The following STK32B variants were observed in gnomAD, a reference collection of about 807,000 sequenced individuals.
The protein encoded by STK32B is serine/threonine-protein kinase 32B.
In STK32B, 43 loss-of-function variants were observed where a neutral mutation model predicts 52.6. That is an observed-to-expected ratio of 0.82 (90% confidence interval 0.64 to 1.05). The LOEUF (loss-of-function observed/expected upper bound fraction) is 1.05, where lower values mean the gene tolerates loss of function less well. Ranked by LOEUF, STK32B falls within the 50% of genes least tolerant of loss-of-function variation. STK32B has a pLI of 0.00. For missense variants in STK32B, 621 were observed against 534.6 expected (o/e 1.16, Z -1.59); for synonymous variants, 238 against 204.3 (o/e 1.17, Z -1.41).
chr4:5,481,126 T>C (rs999539314), intron 11 of STK32B, among the ~76,000 whole-genome samples: 1 of 152,202 alleles, frequency 6.6e-6, no homozygotes, highest in Non-Finnish European at 1.5e-5. Flanking sequence ...TCAAATGTTA[T>C]TTCTAGTTCT....
intron 3 of STK32B, among the ~76,000 whole-genome samples, chr4:5,220,378 A>T (rs932361587): frequency 5.9e-5 from 9 of 152,210 alleles, no homozygotes; most frequent in Admixed American, 3.3e-4. Flanking sequence ...GGACAGTGTG[A>T]TGAGTGCTAA....
At chr4:5,451,987 C>G (rs1716045133) in intron 7 of STK32B, among the ~76,000 whole-genome samples, 3 of 152,202 alleles carry the variant, frequency 2.0e-5, no homozygotes, top group Non-Finnish European at 4.4e-5. Flanking sequence ...GCATCCTTCC[C>G]ACTTTAGCAC....
At chr4:5,246,089 C>A (rs931487876) in intron 3 of STK32B, among the ~76,000 whole-genome samples, 5 of 152,230 alleles carry the variant, frequency 3.3e-5, no homozygotes, top group Admixed American at 1.3e-4. Flanking sequence ...TTGTGGCATT[C>A]TCTGTATTTC....
intron 3 of STK32B, among the ~76,000 whole-genome samples, chr4:5,290,247 G>C (rs894500586): frequency 6.6e-6 from 1 of 152,064 alleles, no homozygotes; most frequent in Non-Finnish European, 1.5e-5. Context: ...ATCGACGTTA[G>C]TATACTGTAA....
intron 3 of STK32B, among the ~76,000 whole-genome samples, chr4:5,312,015 C>T (rs2108911863): frequency 6.6e-6 from 1 of 151,158 alleles, no homozygotes; most frequent in Middle Eastern, 3.4e-3. Context: ...AAAATGCCTC[C>T]ATCCTTCTTC....
chr4:5,231,650 GAAAAGA>G lies in STK32B; in HGVS notation c.260+63209_260+63214del, dbSNP rs566972188. 3.0e-4 allele frequency among the ~76,000 whole-genome samples: 46 copies of G among 152,094 alleles called. 1 individual carries two copies. The South Asian group carries it at 8.7e-3, about 29-fold the overall frequency. ...CAAAACAAAACAAACAAAAAACAAA[GAAAAGA>G]AAAAGAAAGAGTAGTTCTCAATGGG... On this transcript the variant is annotated intron_variant, in intron 3 of 11. Coordinates refer to ENST00000282908, the MANE Select transcript of STK32B (RefSeq NM_018401.3).
At chr4:5,351,083 A>G (rs1275623933) in intron 4 of STK32B, among the ~76,000 whole-genome samples, 1 of 152,022 alleles carries the variant, frequency 6.6e-6, no homozygotes, top group Non-Finnish European at 1.5e-5. Flanking sequence ...AACAACAACA[A>G]CAACAACAAC....
intron 6 of STK32B, among the ~76,000 whole-genome samples, chr4:5,422,708 T>A (rs543950210): frequency 2.9e-4 from 44 of 152,222 alleles, no homozygotes; most frequent in African/African-American, 8.9e-4. Flanking sequence ...GGTACTGCTC[T>A]CCCAGTCCTC....
intron 3 of STK32B, among the ~76,000 whole-genome samples, chr4:5,274,829 C>A (rs1401309397): frequency 6.6e-6 from 1 of 152,154 alleles, no homozygotes; most frequent in Non-Finnish European, 1.5e-5. Flanking sequence ...GTTGCAGACC[C>A]GCCGCTGACT....
chr4:5,373,996 C>G (rs1735418795), intron 4 of STK32B, among the ~76,000 whole-genome samples: 1 of 152,142 alleles, frequency 6.6e-6, no homozygotes, highest in Non-Finnish European at 1.5e-5. Flanking sequence ...AGGATGAGGT[C>G]ATACTGGATT....
At chr4:5,452,006 C>G (rs890572754) in intron 7 of STK32B, among the ~76,000 whole-genome samples, 2 of 152,310 alleles carry the variant, frequency 1.3e-5, no homozygotes, top group African/African-American at 4.8e-5. Flanking sequence ...ACCCTTCAAC[C>G]ACTAGAGACA....
Position 5,446,680 on chromosome 4 carries a change from A to G in STK32B, c.570A>G (p.Glu190=), listed in dbSNP as rs746317072. 2 of 1,613,982 alleles carry G rather than the reference A, an allele frequency of 1.2e-6. No individual in the cohort carries two copies. Among genetic ancestry groups the G allele is most frequent in the Admixed American group, 3.3e-5 (2 of 60,004 alleles). ...TTGTCCTCTCGTTGGCAGCTCCAGA[A>G]GTATTCCAGGTGTACATGGACAGAG... ...MAGTKPYMAP[E]VFQVYMDRGP... The change falls in exon 7 of 12, where the codon GAA becomes GAG. Residue 190 remains glutamate (E), a synonymous_variant. Transcript: ENST00000282908.
intron 3 of STK32B, among the ~76,000 whole-genome samples, chr4:5,204,422 T>C (rs1003166122): frequency 8.5e-5 from 13 of 152,074 alleles, no homozygotes; most frequent in African/African-American, 3.1e-4. Context: ...GTTTTTGTTT[T>C]TTAGGTTTTT....
chr4:5,277,856 C>A (rs915745320), intron 3 of STK32B, among the ~76,000 whole-genome samples: 1 of 152,118 alleles, frequency 6.6e-6, no homozygotes, highest in Non-Finnish European at 1.5e-5. Flanking sequence ...TGCCTTTGAC[C>A]ATCCATAAGA....
chr4:5,268,541 G>A (rs1030728127), intron 3 of STK32B, among the ~76,000 whole-genome samples: 1 of 6,788 alleles, frequency 1.5e-4, no homozygotes, highest in East Asian at 5.4e-3. Context: ...TTGGTGTGGT[G>A]TGTGTGTGTG....
chr4:5,487,346 G>C (rs772434337), intron 11 of STK32B, among the ~76,000 whole-genome samples: 1 of 152,216 alleles, frequency 6.6e-6, no homozygotes, highest in African/African-American at 2.4e-5. Context: ...ATCCTGTTAG[G>C]AGACTTGGCA....
chr4:5,460,380 A>G lies in STK32B; in HGVS notation c.909+152A>G. On this transcript the variant is annotated intron_variant, in intron 9 of 11. Coordinates refer to ENST00000282908, the MANE Select transcript of STK32B (RefSeq NM_018401.3). This position sits in a 1 kb window ranked among gnomAD's most constrained non-coding sequence, Gnocchi z 4.8. ...TATGTCTTGCTGGAATTCAGGGTGA[A>G]CTTGGGCCTGATTTCCAGGGTCCCA... is the stretch of plus-strand genomic sequence containing the variant. The G allele has an allele frequency of 7.7e-7, 1 of 1,294,526 alleles. No individual in the cohort carries two copies. Among genetic ancestry groups the G allele is most frequent in the Non-Finnish European group, 1.0e-6 (1 of 953,894 alleles). 80.2% of individuals were successfully genotyped at this position (1,294,526 alleles called of 1,614,324 possible).
intron 6 of STK32B, chr4:5,432,514 A>G (rs1270597641): frequency 1.3e-5 from 2 of 152,250 alleles, no homozygotes; most frequent in South Asian, 2.1e-4. Context: ...TGAACATTCC[A>G]TGGTGAAATG....
intron 3 of STK32B, among the ~76,000 whole-genome samples, chr4:5,230,208 T>TTTTTG (rs58022709): frequency 0.027 from 2,790 of 103,206 alleles, 145 homozygotes; most frequent in Admixed American, 0.067. Flanking sequence ...TTTTTTTTTT[T>TTTTTG]TAGTGGAGTC....
Sources: allele counts gnomAD v4.1 joint callset (sites outside exome capture counted in the v4.1 genomes callset), GRCh38; gene constraint gnomAD v4.1.1; non-coding constraint Gnocchi (gnomAD v3.1); transcripts MANE v1.5; gene names NCBI Gene and HGNC (gene_info 2026-07-23, HGNC 2026-07-21).